Variants in MAPK8 observed in about 807,000 individuals in gnomAD.
The protein encoded by MAPK8 is mitogen-activated protein kinase 8.
MAPK8 carries 13 observed loss-of-function variants against 52.9 expected under a neutral mutation model. That is an observed-to-expected ratio of 0.25 (90% CI 0.16 to 0.39). The LOEUF (loss-of-function observed/expected upper bound fraction) is 0.39. Among genes scored for constraint, MAPK8 ranks in the 10% least tolerant of loss-of-function variants. The pLI is 1.00. For synonymous variants in MAPK8, 191 were observed against 169.8 expected (o/e 1.12, Z -0.97); for missense variants, 300 against 519.2 (o/e 0.58, Z 4.10).
intron 1 of MAPK8, among the ~76,000 whole-genome samples, chr10:48,316,226 C>T (rs1842486362): frequency 6.6e-6 from 1 of 152,176 alleles, no homozygotes; most frequent in African/African-American, 2.4e-5. Context: ...TATTTTTACT[C>T]TATTTTTTCT....
chr10:48,379,470 C>G (rs1437117508), intron 1 of MAPK8, among the ~76,000 whole-genome samples: 4 of 152,114 alleles, frequency 2.6e-5, no homozygotes, highest in African/African-American at 9.7e-5. Context: ...ACTATATTGT[C>G]ATAAATGTCA....
chr10:48,376,950 A>G (rs190128552), intron 1 of MAPK8, among the ~76,000 whole-genome samples: 331 of 152,332 alleles, frequency 2.2e-3, no homozygotes, highest in Non-Finnish European at 3.6e-3. Context: ...CACAATAGCA[A>G]TGACTGGGAA....
chr10:48,340,644 T>C (rs1845165639), intron 1 of MAPK8, among the ~76,000 whole-genome samples: 1 of 152,262 alleles, frequency 6.6e-6, no homozygotes, highest in Admixed American at 6.5e-5. Context: ...GAGAAGTCTG[T>C]TGTAATTCTT....
intron 1 of MAPK8, among the ~76,000 whole-genome samples, chr10:48,355,893 G>A (rs1378290444): frequency 3.3e-5 from 5 of 152,114 alleles, no homozygotes; most frequent in Admixed American, 6.5e-5. Context: ...CAGATTTACC[G>A]TGAATAAGGT....
In MAPK8 at chr10:48,412,091, C is replaced by T. The variant is rs542375677; in HGVS notation, c.450+1923C>T. Among the ~76,000 whole-genome samples the T allele has an allele frequency of 1.9e-3, 287 of 152,302 alleles. 3 individuals are homozygous for T. Among genetic ancestry groups the T allele is most frequent in the Non-Finnish European group, 3.8e-3 (258 of 68,024 alleles). ...GAACCCCTGACCTCAAGTGATCTGC[C>T]CGCCTTGGCCTCCCAGAGTGCTGGG... On this transcript the variant is annotated intron_variant, in intron 5 of 11. Coordinates refer to ENST00000374189, the MANE Select transcript of MAPK8 (RefSeq NM_001323329.2).
chr10:48,320,898 T>C (rs1842933849), intron 1 of MAPK8, among the ~76,000 whole-genome samples: 2 of 152,168 alleles, frequency 1.3e-5, no homozygotes, highest in African/African-American at 4.8e-5. Context: ...ATTGTCTGTC[T>C]TGAAAATAGC....
intron 1 of MAPK8, among the ~76,000 whole-genome samples, chr10:48,338,465 C>T (rs138936489): frequency 1.4e-4 from 21 of 152,274 alleles, no homozygotes; most frequent in African/African-American, 4.8e-4. Flanking sequence ...ATACCCACAG[C>T]CAACATCATC....
chr10:48,323,820 A>T lies in MAPK8; in HGVS notation c.-50+16999A>T, dbSNP rs192103037. Among the ~76,000 whole-genome samples, 4 of 152,266 alleles carry T rather than the reference A, an allele frequency of 2.6e-5. No individual in the cohort carries two copies. The East Asian group carries it at 5.8e-4, about 22-fold the overall frequency. On this transcript the variant is annotated intron_variant, in intron 1 of 11. Coordinates refer to ENST00000374189, the MANE Select transcript of MAPK8 (RefSeq NM_001323329.2). ...GGTTGATATTTTAAACTTTTTGAGG[A>T]TAGGAATTGTTTAGTAAAATGATGC... is the stretch of plus-strand genomic sequence containing the variant.
intron 2 of MAPK8, among the ~76,000 whole-genome samples, chr10:48,403,103 T>TATC (rs1203699072): frequency 3.3e-5 from 5 of 152,206 alleles, no homozygotes; most frequent in Non-Finnish European, 7.3e-5. Context: ...GGATGTTGTT[T>TATC]ATCTCTGAGA....
intron 5 of MAPK8, among the ~76,000 whole-genome samples, chr10:48,415,721 C>T (rs1182843037): frequency 1.3e-5 from 2 of 152,014 alleles, no homozygotes; most frequent in Non-Finnish European, 2.9e-5. Context: ...TAAAGAGTCT[C>T]GCGTTTTCAA....
At chr10:48,424,730 C>G (rs950767924) in intron 7 of MAPK8, 16 of 476,246 alleles carry the variant, frequency 3.4e-5, no homozygotes, top group African/African-American at 3.2e-4. Context: ...TTGACATAGA[C>G]TTTTCCTTCC....
At chr10:48,428,912 C>G (rs2133279289) in intron 10 of MAPK8, among the ~76,000 whole-genome samples, 1 of 151,818 alleles carries the variant, frequency 6.6e-6, no homozygotes, top group Non-Finnish European at 1.5e-5. Flanking sequence ...CATCAAAACT[C>G]CTGAGCTCAA....
intron 1 of MAPK8, among the ~76,000 whole-genome samples, chr10:48,341,870 A>G (rs1166678577): frequency 1.3e-5 from 2 of 152,212 alleles, no homozygotes; most frequent in African/African-American, 4.8e-5. Context: ...CAGGAGCTCA[A>G]TAGTAAGGAG....
chr10:48,322,428 T>C (rs1444634304), intron 1 of MAPK8, among the ~76,000 whole-genome samples: 1 of 152,178 alleles, frequency 6.6e-6, no homozygotes, highest in Non-Finnish European at 1.5e-5. Context: ...GCTATCTCCT[T>C]CTAGAGAGGA....
intron 1 of MAPK8, among the ~76,000 whole-genome samples, chr10:48,379,537 G>A (rs893333638): frequency 6.6e-6 from 1 of 152,114 alleles, no homozygotes; most frequent in African/African-American, 2.4e-5. Context: ...AGGTAAAGAG[G>A]AAGGTAAATG....
chr10:48,375,348 C>G (rs547271372), intron 1 of MAPK8, among the ~76,000 whole-genome samples: 2 of 152,196 alleles, frequency 1.3e-5, no homozygotes, highest in African/African-American at 2.4e-5. Flanking sequence ...GATGCACTCT[C>G]TCACCACTCC....
At chr10:48,397,458 T>C (rs2041946261) in intron 1 of MAPK8, among the ~76,000 whole-genome samples, 2 of 152,092 alleles carry the variant, frequency 1.3e-5, no homozygotes, top group Admixed American at 1.3e-4. Flanking sequence ...TACTAACCTA[T>C]AACTTTTTAA....
intron 1 of MAPK8, among the ~76,000 whole-genome samples, chr10:48,319,790 C>A (rs765339465): frequency 6.6e-6 from 1 of 151,442 alleles, no homozygotes; most frequent in Admixed American, 6.6e-5. Flanking sequence ...CTGCACCCAG[C>A]GCATTCTGGA....
intron 1 of MAPK8, among the ~76,000 whole-genome samples, chr10:48,348,050 C>T (rs543933117): frequency 1.3e-5 from 2 of 152,326 alleles, no homozygotes; most frequent in African/African-American, 4.8e-5. Context: ...ACATCCTCTC[C>T]AGCATCTGTT....
Sources: allele counts gnomAD v4.1 joint callset (sites outside exome capture counted in the v4.1 genomes callset), GRCh38; gene constraint gnomAD v4.1.1; transcripts MANE v1.5; gene names NCBI Gene and HGNC (gene_info 2026-07-23, HGNC 2026-07-21).